The following SYNPO2 variants were observed in gnomAD, a reference collection of about 807,000 sequenced individuals.
SYNPO2 encodes synaptopodin 2.
Under a neutral mutation model 85.0 loss-of-function variants are expected in SYNPO2, and 56 were observed. The observed-to-expected ratio is 0.66, with a 90% CI of 0.53 to 0.82. SYNPO2 has a LOEUF of 0.82. Among genes scored for constraint, SYNPO2 ranks in the 40% least tolerant of loss-of-function variants. The pLI, the probability that SYNPO2 is intolerant of heterozygous loss-of-function variation, is 0.00. For synonymous variants in SYNPO2, 602 were observed against 591.1 expected (o/e 1.02, Z -0.27); for missense variants, 1,575 against 1,534.2 (o/e 1.03, Z -0.44).
At chr4:118,958,817 G>T (rs1734970150) in intron 1 of SYNPO2, among the ~76,000 whole-genome samples, 1 of 152,134 alleles carries the variant, frequency 6.6e-6, no homozygotes, top group African/African-American at 2.4e-5. Flanking sequence ...TCCCCATAGA[G>T]ATTTTGAGCG....
At chr4:118,896,613 C>T (rs1732557697) in intron 1 of SYNPO2, among the ~76,000 whole-genome samples, 1 of 152,154 alleles carries the variant, frequency 6.6e-6, no homozygotes, top group Non-Finnish European at 1.5e-5. Flanking sequence ...TTACTTTAGG[C>T]ACCTAGTGTT....
chr4:118,940,518 AAT>A (rs1310201775), intron 1 of SYNPO2, among the ~76,000 whole-genome samples: 4 of 152,182 alleles, frequency 2.6e-5, no homozygotes, highest in African/African-American at 9.7e-5. Flanking sequence ...TCATTTGACA[AAT>A]ATGTATTGAA....
intron 1 of SYNPO2, among the ~76,000 whole-genome samples, chr4:118,877,298 C>G (rs1243269244): frequency 6.6e-6 from 1 of 151,918 alleles, no homozygotes; most frequent in Non-Finnish European, 1.5e-5. Context: ...GGATATAGGA[C>G]CAGGCAAATT....
intron 1 of SYNPO2, among the ~76,000 whole-genome samples, chr4:118,951,080 A>G (rs952642709): frequency 7.2e-5 from 11 of 152,198 alleles, no homozygotes; most frequent in Admixed American, 5.9e-4. Context: ...TGCTATTTAT[A>G]TCTCCTGTCT....
chr4:119,034,075 A>C, intron 4 of SYNPO2: 1 of 985,404 alleles, frequency 1.0e-6, no homozygotes. Flanking sequence ...AGGATAAAGG[A>C]AAAAAGCAAT....
chr4:118,979,943 C>T (rs1031804276), intron 1 of SYNPO2, among the ~76,000 whole-genome samples: 2 of 152,162 alleles, frequency 1.3e-5, no homozygotes, highest in African/African-American at 4.8e-5. Flanking sequence ...TCGTGTTATT[C>T]TCAAGAAAGG....
intron 1 of SYNPO2, among the ~76,000 whole-genome samples, chr4:119,003,480 T>G (rs986690204): frequency 6.6e-6 from 1 of 152,216 alleles, no homozygotes; most frequent in African/African-American, 2.4e-5. Flanking sequence ...CAGGAGACTC[T>G]AGAAAATTTT....
chr4:118,908,795 G>A (rs752093808), intron 1 of SYNPO2, among the ~76,000 whole-genome samples: 76 of 152,260 alleles, frequency 5.0e-4, no homozygotes, highest in Admixed American at 1.3e-3. Flanking sequence ...AGAGAAGGCC[G>A]TTGAAATTTG....
intron 1 of SYNPO2, among the ~76,000 whole-genome samples, chr4:118,909,951 T>C (rs1200868441): frequency 1.3e-5 from 2 of 152,228 alleles, no homozygotes; most frequent in Non-Finnish European, 2.9e-5. Context: ...AATGCGTTCC[T>C]GATCTCTTCC....
chr4:119,054,572 C>G (rs749793721), intron 4 of SYNPO2, among the ~76,000 whole-genome samples: 1 of 152,084 alleles, frequency 6.6e-6, no homozygotes, highest in Non-Finnish European at 1.5e-5. Flanking sequence ...CCATCTCCCT[C>G]GAAGTCCAGC....
At chr4:118,978,219 T>C (rs1351097499) in intron 1 of SYNPO2, among the ~76,000 whole-genome samples, 1 of 152,216 alleles carries the variant, frequency 6.6e-6, no homozygotes, top group Non-Finnish European at 1.5e-5. Flanking sequence ...AGTCACATCT[T>C]TCCCTTTGTT....
intron 1 of SYNPO2, among the ~76,000 whole-genome samples, chr4:118,927,749 T>TA (rs1553938465): frequency 0.12 from 13,179 of 112,820 alleles, 986 homozygotes; most frequent in African/African-American, 0.18. Flanking sequence ...GATAGATAGA[T>TA]GATAGATAGA....
At chr4:118,879,177 A>C (rs1272653934) in intron 1 of SYNPO2, among the ~76,000 whole-genome samples, 1 of 152,194 alleles carries the variant, frequency 6.6e-6, no homozygotes, top group Non-Finnish European at 1.5e-5. Context: ...CAAACTCTGC[A>C]CACACCATCT....
In SYNPO2 at chr4:118,894,697, A is replaced by G. The variant is rs114382027; in HGVS notation, c.105+5556A>G. On this transcript the variant is annotated intron_variant, in intron 1 of 4. Coordinates refer to ENST00000307142, the MANE Select transcript of SYNPO2 (RefSeq NM_133477.3). The stretch of plus-strand genomic sequence containing the variant: ...ATTGCCTTTGTTTAATACTCAGTAA[A>G]AGTTCAGAGTTCTTATTCTAAGTTG... Among the ~76,000 whole-genome samples, 923 of 152,258 alleles carry G rather than the reference A, an allele frequency of 6.1e-3. 9 individuals are homozygous for G. Among genetic ancestry groups the G allele is most frequent in the Non-Finnish European group, 8.7e-3 (591 of 68,018 alleles).
intron 1 of SYNPO2, among the ~76,000 whole-genome samples, chr4:118,907,289 T>A: frequency 6.6e-6 from 1 of 152,342 alleles, no homozygotes; most frequent in Non-Finnish European, 1.5e-5. Flanking sequence ...ACTCAAACTT[T>A]GGATCCAATA....
chr4:118,946,018 A>AT (rs1734488650), intron 1 of SYNPO2, among the ~76,000 whole-genome samples: 1 of 151,804 alleles, frequency 6.6e-6, no homozygotes, highest in Admixed American at 6.5e-5. Context: ...TGCTGGGATT[A>AT]TAGGCGTGAG....
At chr4:118,897,882 G>A (rs1732599518) in intron 1 of SYNPO2, among the ~76,000 whole-genome samples, 1 of 152,184 alleles carries the variant, frequency 6.6e-6, no homozygotes, top group African/African-American at 2.4e-5. Context: ...GCATGCTGGA[G>A]AGATTTTTGT....
At chr4:119,036,291 GTTTTTAAACA>G (rs1175761544) in intron 4 of SYNPO2, 2 of 985,248 alleles carry the variant, frequency 2.0e-6, no homozygotes, top group Non-Finnish European at 2.4e-6. Flanking sequence ...TGTTGAGTTT[GTTTTTAAACA>G]TTTTTATAAG....
At chr4:118,958,294 G>A (rs1165578493) in intron 1 of SYNPO2, among the ~76,000 whole-genome samples, 1 of 152,142 alleles carries the variant, frequency 6.6e-6, no homozygotes, top group Non-Finnish European at 1.5e-5. Context: ...GGGGCGGGGT[G>A]ATTTAGCCTG....
Sources: gnomAD v4.1 joint callset for allele counts (sites outside exome capture counted in the v4.1 genomes callset) on GRCh38, gnomAD v4.1.1 for gene constraint, MANE v1.5 for transcripts, NCBI Gene and HGNC (gene_info 2026-07-23, HGNC 2026-07-21) for gene names.